TRPS1: variants seen among roughly 807,000 people sequenced by gnomAD.
TRPS1 encodes the protein zinc finger transcription factor Trps1.
A neutral mutation model predicts 101.2 loss-of-function variants in TRPS1; 6 were observed. The observed-to-expected ratio is 0.06, with a 90% CI of 0.03 to 0.12. The LOEUF (loss-of-function observed/expected upper bound fraction) is 0.12. Among genes scored for constraint, TRPS1 ranks in the 10% least tolerant of loss-of-function variants. The probability of loss-of-function intolerance (pLI) is 1.00; values close to 1 mark genes in which losing one functional copy is unlikely to be tolerated. For synonymous variants in TRPS1, 578 were observed against 589.8 expected (o/e 0.98, Z 0.29); for missense variants, 1,363 against 1,567.0 (o/e 0.87, Z 2.20).
chr8:115,529,501 T>C (rs905694284), intron 5 of TRPS1, among the ~76,000 whole-genome samples: 1 of 152,152 alleles, frequency 6.6e-6, no homozygotes, highest in Non-Finnish European at 1.5e-5. Flanking sequence ...GAATTGATTT[T>C]ACATTAACAA....
intron 5 of TRPS1, among the ~76,000 whole-genome samples, chr8:115,488,704 C>T (rs1009331443): frequency 3.3e-5 from 5 of 151,940 alleles, no homozygotes; most frequent in Admixed American, 3.3e-4. Context: ...AAAAAACAAA[C>T]CAGACATTTT....
chr8:115,661,918 A>G (rs1811807180), intron 1 of TRPS1, among the ~76,000 whole-genome samples: 1 of 152,010 alleles, frequency 6.6e-6, no homozygotes, highest in African/African-American at 2.4e-5. Context: ...TTGAAGCAAC[A>G]AACAAAATTC....
At chr8:115,623,908 TC>T in intron 1 of TRPS1, 150 bp from the exon 2 acceptor site, 1 of 611,780 alleles carries the variant, frequency 1.6e-6, no homozygotes, top group Non-Finnish European at 2.4e-6. Flanking sequence ...ATCCTCTCCC[TC>T]CCCAGGGTTT....
chr8:115,633,103 G>A (rs1167799718), intron 1 of TRPS1, among the ~76,000 whole-genome samples: 1 of 152,090 alleles, frequency 6.6e-6, no homozygotes, highest in Non-Finnish European at 1.5e-5. Context: ...ATCCAATGGA[G>A]TGGAATGGGT....
At chr8:115,417,108 G>A (rs1054769021) in intron 6 of TRPS1, among the ~76,000 whole-genome samples, 3 of 152,056 alleles carry the variant, frequency 2.0e-5, no homozygotes, top group Non-Finnish European at 4.4e-5. Flanking sequence ...CAGTGGTTAA[G>A]TTCCCATAAT....
At chr8:115,459,496 A>G (rs552447471) in intron 5 of TRPS1, among the ~76,000 whole-genome samples, 1 of 152,296 alleles carries the variant, frequency 6.6e-6, no homozygotes. Flanking sequence ...CAGGAAGGAT[A>G]TCACCAGAAT....
intron 1 of TRPS1, among the ~76,000 whole-genome samples, chr8:115,650,432 T>C (rs1292630537): frequency 6.6e-6 from 1 of 152,242 alleles, no homozygotes; most frequent in Non-Finnish European, 1.5e-5. Context: ...ATAGATCTCC[T>C]TGATTTCTCC....
intron 5 of TRPS1, among the ~76,000 whole-genome samples, chr8:115,563,949 AAGTGC>A (rs1219343256): frequency 1.3e-5 from 2 of 152,040 alleles, no homozygotes; most frequent in South Asian, 2.1e-4. Context: ...AAAAAAAGAA[AAGTGC>A]ACTTTCCTAT....
At position 115,472,003 on chromosome 8, in the gene TRPS1, G is replaced by A. The variant is rs192898737; in HGVS notation, c.2701-53551C>T. 9.8e-5 allele frequency among the ~76,000 whole-genome samples: 15 copies of A among 152,302 alleles called. No individual in the cohort carries two copies. The East Asian group carries it at 2.1e-3, about 22-fold the overall frequency. ...GCACTGAGTGTCTGCAGTTTTTCTA[G>A]GCAACTGGTGCAAGCTGTCAGTGGA... is the stretch of plus-strand genomic sequence containing the variant. On this transcript the variant is annotated intron_variant, in intron 5 of 6. Transcript: ENST00000395715.
intron 5 of TRPS1, among the ~76,000 whole-genome samples, chr8:115,539,659 A>G (rs1816404730): frequency 6.6e-6 from 1 of 152,082 alleles, no homozygotes; most frequent in Admixed American, 6.5e-5. Context: ...ACAACATGGC[A>G]AAATCCCATC....
intron 5 of TRPS1, among the ~76,000 whole-genome samples, chr8:115,420,708 T>C (rs778285227): frequency 1.1e-4 from 17 of 152,234 alleles, no homozygotes; most frequent in Admixed American, 5.9e-4. Context: ...ATTACAGCAC[T>C]AGTTTCCAAA....
intron 5 of TRPS1, among the ~76,000 whole-genome samples, chr8:115,485,244 C>A (rs1814850070): frequency 6.6e-6 from 1 of 152,196 alleles, no homozygotes; most frequent in Non-Finnish European, 1.5e-5. Context: ...TGACAGTGGT[C>A]TCCGGCCAAC....
intron 3 of TRPS1, among the ~76,000 whole-genome samples, chr8:115,617,427 A>G (rs977385634): frequency 1.3e-5 from 2 of 152,210 alleles, no homozygotes; most frequent in African/African-American, 4.8e-5. Context: ...TTTACTATAA[A>G]TAACTAAGAA....
intron 4 of TRPS1, among the ~76,000 whole-genome samples, chr8:115,601,361 T>C (rs1004943109): frequency 2.2e-4 from 33 of 152,174 alleles, no homozygotes; most frequent in Non-Finnish European, 4.7e-4. Context: ...AATGCTTTGA[T>C]AGCAGATCAA....
At chr8:115,508,560 G>A (rs572070112) in intron 5 of TRPS1, among the ~76,000 whole-genome samples, 5 of 151,884 alleles carry the variant, frequency 3.3e-5, no homozygotes, top group East Asian at 1.9e-4. Flanking sequence ...TGCTTTCCTC[G>A]ATCATCTGAT....
chr8:115,434,388 A>G (rs918358653), intron 5 of TRPS1, among the ~76,000 whole-genome samples: 3 of 152,202 alleles, frequency 2.0e-5, no homozygotes, highest in Admixed American at 6.5e-5. Context: ...GCTATGCAAT[A>G]TGTTATTGTA....
chr8:115,516,980 G>T (rs1020457612), intron 5 of TRPS1, among the ~76,000 whole-genome samples: 1 of 151,226 alleles, frequency 6.6e-6, no homozygotes, highest in African/African-American at 2.4e-5. Context: ...TTTTTGCAAG[G>T]AGTGGTTAGT....
Position 115,414,106 on chromosome 8 carries a change from T to C in TRPS1, c.3802A>G (p.Lys1268Glu). Residue 1268 changes from lysine (K) to glutamate (E), a missense_variant, in exon 7 of 7, where the codon AAA (lysine) becomes GAA (glutamate). By Grantham distance (56) the Lys-to-Glu change is moderately conservative. This residue lies in a region of TRPS1 where 307 missense variants were observed against 392.4 expected (regional missense o/e 0.78). Transcript: ENST00000395715. This position sits in a 1 kb window ranked among gnomAD's most constrained non-coding sequence, Gnocchi z 4.8. ...TGGATATGTGTTGTGAAGTCATATT[T>C]GTCCGTGCAAAGATGCTGGCATATG... ...CSICQHLCTDKYDFTTHIQRG... is the reference protein window; with the variant it reads ...CSICQHLCTDEYDFTTHIQRG... 6.2e-7 allele frequency: 1 copy of C among 1,614,010 alleles called. No individual in the cohort carries two copies. Among genetic ancestry groups the C allele is most frequent in the Non-Finnish European group, 8.5e-7 (1 of 1,179,926 alleles).
intron 4 of TRPS1, among the ~76,000 whole-genome samples, chr8:115,589,175 T>A (rs7357472): frequency 0.7 from 106,084 of 152,064 alleles, 38,396 homozygotes; most frequent in African/African-American, 0.89. Context: ...GGAATAAGTG[T>A]GAGGAAGAAT....
Sources: allele counts gnomAD v4.1 joint callset (sites outside exome capture counted in the v4.1 genomes callset), GRCh38; gene constraint gnomAD v4.1.1; regional missense constraint gnomAD v4.1.1; non-coding constraint Gnocchi (gnomAD v3.1); transcripts MANE v1.5; gene names NCBI Gene and HGNC (gene_info 2026-07-23, HGNC 2026-07-21).